Variants in CIMAP3 observed in about 807,000 individuals in gnomAD.
The protein encoded by CIMAP3 is ciliary microtubule associated protein 3.
At chr1:111,350,920 A>G in the CIMAP3 span, among the ~76,000 whole-genome samples, 1 of 152,176 alleles carries the variant, frequency 6.6e-6, no homozygotes, top group Non-Finnish European at 1.5e-5. Flanking sequence ...TTCTACAATT[A>G]TTTATTAAAT....
At chr1:111,350,081 A>G in the CIMAP3 span, 2 of 1,571,002 alleles carry the variant, frequency 1.3e-6, no homozygotes, top group Non-Finnish European at 1.8e-6. Flanking sequence ...CTCATTAGAC[A>G]TGATGCTTGT....
the CIMAP3 span, chr1:111,347,714 G>A: frequency 4.3e-6 from 7 of 1,610,860 alleles, no homozygotes; most frequent in South Asian, 4.4e-5. Context: ...ATCCCAACCA[G>A]TATAAAAGGA....
At chr1:111,337,465 G>C in the CIMAP3 span, among the ~76,000 whole-genome samples, 2 of 151,976 alleles carry the variant, frequency 1.3e-5, no homozygotes, top group Non-Finnish European at 2.9e-5. Flanking sequence ...CTCACATGCA[G>C]AGACACACAT....
At chr1:111,331,624 T>C in the CIMAP3 span, among the ~76,000 whole-genome samples, 1 of 152,172 alleles carries the variant, frequency 6.6e-6, no homozygotes, top group Admixed American at 6.5e-5. Context: ...ATTTTCTATC[T>C]GCATTCTTTG....
the CIMAP3 span, among the ~76,000 whole-genome samples, chr1:111,338,275 C>T: frequency 2.1e-3 from 321 of 151,940 alleles, 2 homozygotes; most frequent in African/African-American, 7.4e-3. Flanking sequence ...CCTAACATCA[C>T]AATTAAAAGA....
chr1:111,325,567 A>G, the CIMAP3 span, among the ~76,000 whole-genome samples: 57 of 152,304 alleles, frequency 3.7e-4, 1 homozygote, highest in East Asian at 0.011. Context: ...ATAACACTCT[A>G]TTTATTATCC....
At chr1:111,351,466 C>G in the CIMAP3 span, 1 of 636,552 alleles carries the variant, frequency 1.6e-6, no homozygotes, top group Non-Finnish European at 2.6e-6. Flanking sequence ...GGGCTTATAG[C>G]TGCTGTATGA....
chr1:111,352,449 C>T, the CIMAP3 span: 9 of 152,600 alleles, frequency 5.9e-5, no homozygotes, highest in Non-Finnish European at 1.0e-4. Context: ...GTGAAGCCTC[C>T]TGGTCATATG....
chr1:111,326,145 T>C, the CIMAP3 span, among the ~76,000 whole-genome samples: 1 of 152,292 alleles, frequency 6.6e-6, no homozygotes, highest in South Asian at 2.1e-4. Context: ...GTCACTTCTA[T>C]ATATTAGGAA....
chr1:111,326,499 T>C, the CIMAP3 span, among the ~76,000 whole-genome samples: 5 of 152,330 alleles, frequency 3.3e-5, no homozygotes, highest in South Asian at 2.1e-4. Flanking sequence ...TATAACCAAA[T>C]AGTATTTCAT....
the CIMAP3 span, chr1:111,352,272 G>T: frequency 6.6e-6 from 1 of 152,588 alleles, no homozygotes; most frequent in Non-Finnish European, 1.5e-5. Context: ...TAATAAAAGG[G>T]TCCTTTTGTA....
the CIMAP3 span, chr1:111,346,708 AGGTAGGG>A: frequency 1.2e-6 from 2 of 1,601,482 alleles, no homozygotes; most frequent in African/African-American, 1.3e-5. Context: ...AGTAGAGGGC[AGGTAGGG>A]GGAAGGGTGG....
At chr1:111,328,841 A>C in the CIMAP3 span, among the ~76,000 whole-genome samples, 4 of 152,196 alleles carry the variant, frequency 2.6e-5, no homozygotes, top group African/African-American at 7.2e-5. Flanking sequence ...CATTCAGCCC[A>C]GTTACATTCA....
the CIMAP3 span, among the ~76,000 whole-genome samples, chr1:111,331,496 T>C: frequency 1.2e-4 from 18 of 152,308 alleles, no homozygotes; most frequent in African/African-American, 4.3e-4. Context: ...ATCTCTTAAT[T>C]GTATATTTAC....
chr1:111,337,348 T>C, the CIMAP3 span, among the ~76,000 whole-genome samples: 1,133 of 152,096 alleles, frequency 7.4e-3, 14 homozygotes, highest in African/African-American at 0.026. Context: ...CACATAACAA[T>C]ATTAACTTTA....
the CIMAP3 span, among the ~76,000 whole-genome samples, chr1:111,328,220 G>A: frequency 6.6e-6 from 1 of 152,090 alleles, no homozygotes; most frequent in Admixed American, 6.6e-5. Flanking sequence ...AGTGTGTTTG[G>A]TATGATTTTG....
At chr1:111,348,470 A>G in the CIMAP3 span, 3 of 1,530,454 alleles carry the variant, frequency 2.0e-6, no homozygotes, top group African/African-American at 1.4e-5. Flanking sequence ...ATGTGTATAT[A>G]TATACATATC....
At chr1:111,346,119 C>T in the CIMAP3 span, among the ~76,000 whole-genome samples, 4 of 152,216 alleles carry the variant, frequency 2.6e-5, no homozygotes, top group Non-Finnish European at 4.4e-5. Flanking sequence ...CCACGGCCCC[C>T]CGGGATAGAA....
At chr1:111,348,220 C>T in the CIMAP3 span, 6 of 252,868 alleles carry the variant, frequency 2.4e-5, no homozygotes, top group Non-Finnish European at 3.0e-5. Flanking sequence ...GAGATACTAT[C>T]TCTAAAAATC....
Sources: allele counts gnomAD v4.1 joint callset (sites outside exome capture counted in the v4.1 genomes callset), GRCh38; gene constraint gnomAD v4.1.1; transcripts MANE v1.5; gene names NCBI Gene and HGNC (gene_info 2026-07-23, HGNC 2026-07-21).